TMEM255B: variants seen among roughly 807,000 people sequenced by gnomAD.
TMEM255B encodes family with sequence similarity 70, member B.
A neutral mutation model predicts 34.5 loss-of-function variants in TMEM255B; 35 were observed. The observed-to-expected ratio is 1.01, with a 90% CI of 0.77 to 1.34. The LOEUF is 1.34. Ranked by LOEUF, TMEM255B falls within the 40% of genes most tolerant of loss-of-function variation. The pLI, the probability that TMEM255B is intolerant of heterozygous loss-of-function variation, is 0.00. For missense variants in TMEM255B, 432 were observed against 433.2 expected (o/e 1.00, Z 0.02); for synonymous variants, 206 against 201.2 (o/e 1.02, Z -0.20).
At chr13:113,775,073 C>T (rs1369526688) in intron 3 of TMEM255B, among the ~76,000 whole-genome samples, 1 of 149,320 alleles carries the variant, frequency 6.7e-6, no homozygotes, top group Non-Finnish European at 1.5e-5. Flanking sequence ...ACCACACACT[C>T]CACACACACC....
chr13:113,775,713 C>T (rs542657256), intron 3 of TMEM255B, among the ~76,000 whole-genome samples: 125 of 152,354 alleles, frequency 8.2e-4, no homozygotes, highest in African/African-American at 2.8e-3. Flanking sequence ...TGGGCACAGG[C>T]GGCCACACTC....
In TMEM255B at chr13:113,801,798, G is replaced by T. The variant is rs762791598; in HGVS notation, c.655G>T (p.Ala219Ser). ...LGIITAAVLG[A>S]FKDMVPLSQL... ...CATCATCACCGCCGCCGTCCTGGGG[G>T]CCTTCAAGGACATGGTGAGGCCCCT... The change falls in exon 7 of 9, where the codon GCC becomes TCC. Residue 219 changes from alanine to serine, a missense_variant. Ala to Ser is a moderately conservative substitution (Grantham distance 99, BLOSUM62 1). Coordinates refer to ENST00000375353, the MANE Select transcript of TMEM255B (RefSeq NM_182614.4). The T allele has an allele frequency of 1.2e-5, 20 of 1,608,596 alleles. No individual in the cohort carries two copies. Among genetic ancestry groups the T allele is most frequent in the African/African-American group, 9.4e-5 (7 of 74,804 alleles).
In TMEM255B at chr13:113,815,341, G is replaced by A. The variant is rs887854248; in HGVS notation, c.*3438G>A. The A allele has an allele frequency of 1.4e-5, 2 of 146,564 alleles. No individual in the cohort carries two copies. The highest frequency in any genetic ancestry group is 1.5e-5 in the Non-Finnish European group (1 of 66,634). The allele number at this position is 146,564 out of a possible 1,614,324, so 9.1% of individuals were successfully genotyped here. A position where few individuals can be genotyped will look rare whatever the true frequency, so the allele number is the denominator to read the frequency against. The stretch of plus-strand genomic sequence containing the variant: ...CCGTCCACGTGGGGTCACCGGCCAC[G>A]GAGAGAGGAAGGGACATGGGTGACG... On this transcript the variant is annotated 3_prime_UTR_variant, in exon 9 of 9. Transcript: ENST00000375353.
intron 3 of TMEM255B, among the ~76,000 whole-genome samples, chr13:113,771,333 G>A (rs990965817): frequency 3.9e-5 from 6 of 152,172 alleles, no homozygotes; most frequent in South Asian, 2.1e-4. Context: ...CTGGCACTGC[G>A]CATGGTGTCT....
intron 6 of TMEM255B, 26 bp from the exon 7 acceptor site, chr13:113,801,627 G>A (rs1278995914): frequency 2.6e-6 from 4 of 1,567,218 alleles, no homozygotes; most frequent in Non-Finnish European, 3.5e-6. Context: ...CTCGTGCGGT[G>A]ACGCCATGGT....
intron 3 of TMEM255B, among the ~76,000 whole-genome samples, chr13:113,786,896 C>CA (rs1429640570): frequency 2.0e-5 from 3 of 152,150 alleles, no homozygotes; most frequent in Non-Finnish European, 4.4e-5. Context: ...AGAAGGAGGC[C>CA]ACGTCTTGGT....
intron 5 of TMEM255B, among the ~76,000 whole-genome samples, chr13:113,800,299 C>CTGTGTGTGTGTGTGTGTG: frequency 1.6e-5 from 1 of 62,644 alleles, no homozygotes; most frequent in Non-Finnish European, 3.1e-5. Context: ...GGGAGGCGTC[C>CTGTGTGTGTGTGTGTGTG]TCTGTGTGTG....
At chr13:113,801,328 C>T (rs1308824960) in intron 6 of TMEM255B, among the ~76,000 whole-genome samples, 3 of 152,326 alleles carry the variant, frequency 2.0e-5, no homozygotes, top group East Asian at 3.9e-4. Context: ...GTGACCCCGA[C>T]GGCCTTCCCA....
At chr13:113,775,987 C>T (rs1666662555) in intron 3 of TMEM255B, among the ~76,000 whole-genome samples, 1 of 152,228 alleles carries the variant, frequency 6.6e-6, no homozygotes, top group South Asian at 2.1e-4. Context: ...CATGTGCGGC[C>T]TGTGAGCTGA....
chr13:113,774,606 C>CACCACACAATACACACCACATAT (rs750759140), intron 3 of TMEM255B, among the ~76,000 whole-genome samples: 26,792 of 146,868 alleles, frequency 0.18, 2,727 homozygotes, highest in African/African-American at 0.28. Flanking sequence ...AAATGACACA[C>CACCACACAATACACACCACATAT]ACCACACAAT....
chr13:113,795,215 G>A lies in TMEM255B; in HGVS notation c.320G>A (p.Gly107Asp), dbSNP rs1237958365. 1 of 1,613,798 alleles carries A rather than the reference G, an allele frequency of 6.2e-7. No individual in the cohort carries two copies. The highest frequency in any genetic ancestry group is 8.5e-7 in the Non-Finnish European group (1 of 1,179,950). ...GCCTTCTGCTGCGCCATCGTGGACGGCGTATTTGCAGCACAGCACATTGTG... is the reference window on the plus strand; with the variant it reads ...GCCTTCTGCTGCGCCATCGTGGACGACGTATTTGCAGCACAGCACATTGTG... ...VAAFCCAIVD[G>D]VFAAQHIEPR... Residue 107 changes from glycine (G) to aspartate (D), a missense_variant, in exon 4 of 9, where the codon GGC becomes GAC. Coordinates refer to ENST00000375353, the MANE Select transcript of TMEM255B (RefSeq NM_182614.4).
At position 113,814,457 on chromosome 13, in the gene TMEM255B, C is replaced by T. The variant is rs1402789165; in HGVS notation, c.*2554C>T. ...CAAAAATATTCAACTCCAAGGTCAA[C>T]AGTTTTGTTCTTGCCACAAAAATGT... On this transcript the variant is annotated 3_prime_UTR_variant, in exon 9 of 9. Coordinates refer to ENST00000375353, the MANE Select transcript of TMEM255B (RefSeq NM_182614.4). 1 of 152,276 alleles carries T rather than the reference C, an allele frequency of 6.6e-6. No homozygotes were observed. Among genetic ancestry groups the T allele is most frequent in the Non-Finnish European group, 1.5e-5 (1 of 68,054 alleles). 9.4% of individuals were successfully genotyped at this position (152,276 alleles called of 1,614,324 possible).
At chr13:113,759,387 G>T (rs1253377923) in intron 1 of TMEM255B, 72 bp downstream of exon 1, 1 of 1,208,298 alleles carries the variant, frequency 8.3e-7, no homozygotes, top group East Asian at 3.2e-5. Flanking sequence ...GGGACTACAG[G>T]TCCCCGGCCG....
At chr13:113,796,010 G>C (rs2050924109) in intron 4 of TMEM255B, among the ~76,000 whole-genome samples, 1 of 113,350 alleles carries the variant, frequency 8.8e-6, no homozygotes, top group Non-Finnish European at 1.7e-5. Flanking sequence ...ACAACACACA[G>C]AGCACACAGC....
chr13:113,790,618 CTG>C (rs2050816399), intron 3 of TMEM255B, among the ~76,000 whole-genome samples: 2 of 146,870 alleles, frequency 1.4e-5, no homozygotes, highest in Non-Finnish European at 3.0e-5. Context: ...TAGCACTGAA[CTG>C]ACTGGACACA....
intron 3 of TMEM255B, among the ~76,000 whole-genome samples, chr13:113,794,126 C>T (rs1356467226): frequency 6.6e-6 from 1 of 152,180 alleles, no homozygotes; most frequent in Non-Finnish European, 1.5e-5. Flanking sequence ...ACAGCAGTTC[C>T]ACGTGAGGGT....
At chr13:113,766,055 G>A in intron 1 of TMEM255B, 60 bp from the exon 2 acceptor site, 2 of 1,603,084 alleles carry the variant, frequency 1.2e-6, no homozygotes, top group Non-Finnish European at 1.7e-6. Context: ...AGAGCCTGCT[G>A]GCCTGACGCC....
intron 8 of TMEM255B, among the ~76,000 whole-genome samples, chr13:113,810,378 C>G (rs961955731): frequency 1.3e-5 from 2 of 152,210 alleles, no homozygotes; most frequent in African/African-American, 4.8e-5. Flanking sequence ...TGTGTGTTAG[C>G]AGTTGGAGAA....
chr13:113,765,172 G>C (rs1399318858), intron 1 of TMEM255B, among the ~76,000 whole-genome samples: 1 of 152,216 alleles, frequency 6.6e-6, no homozygotes, highest in Non-Finnish European at 1.5e-5. Flanking sequence ...GTCCAAGAGG[G>C]CCTTGAAGGA....
Sources: gnomAD v4.1 joint callset for allele counts (sites outside exome capture counted in the v4.1 genomes callset) on GRCh38, gnomAD v4.1.1 for gene constraint, MANE v1.5 for transcripts, NCBI Gene and HGNC (gene_info 2026-07-23, HGNC 2026-07-21) for gene names.